SGCZ: variants seen among roughly 807,000 people sequenced by gnomAD.
SGCZ encodes the protein sarcoglycan zeta.
In SGCZ, 40 loss-of-function variants were observed where a neutral mutation model predicts 41.3. The ratio of observed to expected loss-of-function variants is 0.97; its 90% CI spans 0.75 to 1.26. The LOEUF (loss-of-function observed/expected upper bound fraction) is 1.26, where lower values mean the gene tolerates loss of function less well. Ranked by LOEUF, SGCZ falls within the 50% of genes most tolerant of loss-of-function variation. The probability of loss-of-function intolerance (pLI) is 0.00; values close to 1 mark genes in which losing one functional copy is unlikely to be tolerated. For missense variants in SGCZ, 552 were observed against 369.8 expected (o/e 1.49, Z -4.04); for synonymous variants, 206 against 137.5 (o/e 1.50, Z -3.49).
At chr8:14,129,973 G>A (rs1253727081) in intron 5 of SGCZ, among the ~76,000 whole-genome samples, 1 of 152,168 alleles carries the variant, frequency 6.6e-6, no homozygotes, top group Non-Finnish European at 1.5e-5. Context: ...ATTTTGTGCA[G>A]ATATGGAAAA....
At chr8:14,095,130 T>C (rs903218147) in intron 7 of SGCZ, among the ~76,000 whole-genome samples, 1 of 152,214 alleles carries the variant, frequency 6.6e-6, no homozygotes, top group Non-Finnish European at 1.5e-5. Context: ...TTTAGTTTAA[T>C]TAGATCCTAT....
chr8:15,026,362 A>T (rs1803458241), intron 1 of SGCZ, among the ~76,000 whole-genome samples: 1 of 152,216 alleles, frequency 6.6e-6, no homozygotes, highest in South Asian at 2.1e-4. Flanking sequence ...CCGGAACAGA[A>T]AAGAGTCCTA....
At chr8:15,223,080 G>A (rs1274704662) in intron 1 of SGCZ, among the ~76,000 whole-genome samples, 1 of 152,046 alleles carries the variant, frequency 6.6e-6, no homozygotes, top group Non-Finnish European at 1.5e-5. Context: ...TATTAAATGG[G>A]CTGCTTTCTA....
intron 1 of SGCZ, among the ~76,000 whole-genome samples, chr8:15,105,110 T>G (rs1806773609): frequency 6.6e-6 from 1 of 152,244 alleles, no homozygotes; most frequent in Admixed American, 6.5e-5. Flanking sequence ...TGCTATGAAA[T>G]TAAGCATTTT....
At chr8:14,375,033 T>A (rs1055976081) in intron 2 of SGCZ, among the ~76,000 whole-genome samples, 64 of 151,926 alleles carry the variant, frequency 4.2e-4, no homozygotes, top group Non-Finnish European at 9.3e-4. Flanking sequence ...AGCACTGAGT[T>A]TGGTTTAAAG....
At chr8:14,865,596 C>T (rs1178695923) in intron 1 of SGCZ, among the ~76,000 whole-genome samples, 3 of 152,018 alleles carry the variant, frequency 2.0e-5, no homozygotes, top group African/African-American at 7.2e-5. Context: ...ACGAATTAAC[C>T]CATGAACCCA....
chr8:14,586,088 T>C (rs1304483675), intron 1 of SGCZ, among the ~76,000 whole-genome samples: 1 of 152,248 alleles, frequency 6.6e-6, no homozygotes, highest in Non-Finnish European at 1.5e-5. Flanking sequence ...GTTAATCCTA[T>C]TAACTATACA....
At chr8:15,096,124 C>T (rs1806336830) in intron 1 of SGCZ, among the ~76,000 whole-genome samples, 1 of 152,062 alleles carries the variant, frequency 6.6e-6, no homozygotes, top group South Asian at 2.1e-4. Context: ...GTACCGCAGG[C>T]TGGAGTGCAA....
chr8:14,261,059 G>T (rs551022103), intron 3 of SGCZ, among the ~76,000 whole-genome samples: 2 of 151,956 alleles, frequency 1.3e-5, no homozygotes, highest in African/African-American at 4.8e-5. Flanking sequence ...TAACTAACCT[G>T]CCCAATGTGC....
intron 2 of SGCZ, among the ~76,000 whole-genome samples, chr8:14,427,041 T>TGAATGAATGAATGAATGGAGTGAATGAAG (rs1554516806): frequency 0.012 from 1,677 of 140,020 alleles, 42 homozygotes; most frequent in African/African-American, 0.04. Flanking sequence ...AATGAATGAA[T>TGAATGAATGAATGAATGGAGTGAATGAAG]GAATGAATGA....
At chr8:14,384,668 T>G (rs1186783235) in intron 2 of SGCZ, among the ~76,000 whole-genome samples, 1 of 152,154 alleles carries the variant, frequency 6.6e-6, no homozygotes, top group African/African-American at 2.4e-5. Flanking sequence ...CAAGCAATTG[T>G]CCTGCCTCAG....
At chr8:14,932,136 G>A (rs1799939423) in intron 1 of SGCZ, among the ~76,000 whole-genome samples, 1 of 151,898 alleles carries the variant, frequency 6.6e-6, no homozygotes, top group Non-Finnish European at 1.5e-5. Flanking sequence ...TGTAAAATAT[G>A]AAGAAAATAA....
chr8:14,441,238 G>T (rs1800252320), intron 2 of SGCZ, among the ~76,000 whole-genome samples: 1 of 151,926 alleles, frequency 6.6e-6, no homozygotes, highest in Non-Finnish European at 1.5e-5. Context: ...CCTCTTTTTA[G>T]TTTCTACCTA....
chr8:14,827,160 A>C (rs553340116), intron 1 of SGCZ, among the ~76,000 whole-genome samples: 150 of 131,326 alleles, frequency 1.1e-3, no homozygotes, highest in Middle Eastern at 0.011. Flanking sequence ...CAAGAATGGA[A>C]GTTTCAAAAA....
chr8:14,331,860 A>C (rs958430547), intron 2 of SGCZ, among the ~76,000 whole-genome samples: 1 of 151,880 alleles, frequency 6.6e-6, no homozygotes, highest in African/African-American at 2.4e-5. Context: ...GCATGATAAA[A>C]AAATTTTCAT....
Position 14,752,471 on chromosome 8 carries a change from T to C in SGCZ, c.40-197545A>G, listed in dbSNP as rs528198158. Among the ~76,000 whole-genome samples, 42 of 152,338 alleles carry C rather than the reference T, an allele frequency of 2.8e-4. No individual in the cohort carries two copies. In the South Asian group the frequency reaches 8.7e-3, roughly 32 times the overall value. On this transcript the variant is annotated intron_variant, in intron 1 of 7. Coordinates refer to ENST00000382080, the MANE Select transcript of SGCZ (RefSeq NM_139167.4). ...TTACTGCATTTCATTATTCTCTTTT[T>C]ATTTAAATCAAAATTACCATCTCAA...
In SGCZ at chr8:14,689,791, TA is replaced by T. The variant is rs540709741; in HGVS notation, c.40-134866del. On this transcript the variant is annotated intron_variant, in intron 1 of 7. Coordinates refer to ENST00000382080, the MANE Select transcript of SGCZ (RefSeq NM_139167.4). ...GATATCTATTAATACAACAGACGCATAATTAAAGAGAATCCCCATCAGCTGT... is the reference window on the plus strand; with the variant it reads ...GATATCTATTAATACAACAGACGCATATTAAAGAGAATCCCCATCAGCTGT... Among the ~76,000 whole-genome samples the T allele has an allele frequency of 5.3e-5, 8 of 152,270 alleles. No homozygotes were observed. In the South Asian group the frequency reaches 1.7e-3, roughly 32 times the overall value.
chr8:14,882,932 G>A (rs1045024778), intron 1 of SGCZ, among the ~76,000 whole-genome samples: 3 of 152,094 alleles, frequency 2.0e-5, no homozygotes, highest in Middle Eastern at 3.4e-3. Flanking sequence ...ACAAGTGCAC[G>A]ATAACCACTG....
intron 1 of SGCZ, among the ~76,000 whole-genome samples, chr8:14,829,810 T>A (rs1005670028): frequency 6.6e-6 from 1 of 152,012 alleles, no homozygotes; most frequent in Non-Finnish European, 1.5e-5. Flanking sequence ...CATGTTTTGT[T>A]TTGTTTTGTT....
Sources: allele counts gnomAD v4.1 joint callset (sites outside exome capture counted in the v4.1 genomes callset), GRCh38; gene constraint gnomAD v4.1.1; transcripts MANE v1.5; gene names NCBI Gene and HGNC (gene_info 2026-07-23, HGNC 2026-07-21).